The following STK40 variants were observed in gnomAD, a reference collection of about 807,000 sequenced individuals.
The protein encoded by STK40 is serine/threonine-protein kinase 40.
STK40 carries 13 observed loss-of-function variants against 47.9 expected under a neutral mutation model. That is an observed-to-expected ratio of 0.27 (90% CI 0.18 to 0.43). The LOEUF is 0.43. Among genes scored for constraint, STK40 ranks in the 20% least tolerant of loss-of-function variants. The pLI is 1.00. For synonymous variants in STK40, 225 were observed against 243.2 expected (o/e 0.93, Z 0.69); for missense variants, 460 against 595.1 (o/e 0.77, Z 2.36).
intron 1 of STK40, among the ~76,000 whole-genome samples, chr1:36,373,988 G>A (rs1043412954): frequency 2.6e-5 from 4 of 152,204 alleles, no homozygotes; most frequent in African/African-American, 9.6e-5. Context: ...AGTGGGAGGG[G>A]CGGTCAGCAA....
At chr1:36,377,904 G>A (rs1405102059) in intron 1 of STK40, among the ~76,000 whole-genome samples, 5 of 152,212 alleles carry the variant, frequency 3.3e-5, no homozygotes, top group African/African-American at 9.6e-5. Flanking sequence ...CATGCACTAG[G>A]CTGAACGTGG....
chr1:36,343,242 GGAA>G (rs1018445507), intron 10 of STK40, 119 bp downstream of exon 10: 2 of 1,120,034 alleles, frequency 1.8e-6, no homozygotes, highest in South Asian at 1.3e-5. Context: ...CCAAGGCTGG[GGAA>G]GAAGACCAAG....
chr1:36,368,262 TA>T (rs143132763), intron 1 of STK40, among the ~76,000 whole-genome samples: 2,293 of 152,260 alleles, frequency 0.015, 64 homozygotes, highest in African/African-American at 0.052. Flanking sequence ...AATAAACATG[TA>T]CTACTCATGC....
At chr1:36,371,514 G>C (rs1646946891) in intron 1 of STK40, among the ~76,000 whole-genome samples, 1 of 151,138 alleles carries the variant, frequency 6.6e-6, no homozygotes, top group Non-Finnish European at 1.5e-5. Flanking sequence ...AGATCAGATT[G>C]CACCACTGCA....
At chr1:36,365,327 T>C (rs1646892522) in intron 1 of STK40, among the ~76,000 whole-genome samples, 1 of 152,178 alleles carries the variant, frequency 6.6e-6, no homozygotes, top group Non-Finnish European at 1.5e-5. Context: ...AGACTGACTA[T>C]ATGTGGTGCA....
At chr1:36,356,471 G>C (rs547002694) in intron 4 of STK40, among the ~76,000 whole-genome samples, 6 of 142,002 alleles carry the variant, frequency 4.2e-5, no homozygotes, top group Non-Finnish European at 6.1e-5. Flanking sequence ...TGTTGCCCAG[G>C]CTGGAGTGCA....
chr1:36,383,931 C>T (rs1486386312), intron 1 of STK40, among the ~76,000 whole-genome samples: 6 of 152,118 alleles, frequency 3.9e-5, no homozygotes, highest in African/African-American at 1.2e-4. Flanking sequence ...GGCACACTCC[C>T]GTCCCCACCC....
chr1:36,351,814 G>C (rs968354587), intron 6 of STK40, among the ~76,000 whole-genome samples: 1 of 152,212 alleles, frequency 6.6e-6, no homozygotes, highest in African/African-American at 2.4e-5. Flanking sequence ...GTGCTGGTGT[G>C]GTTAGCAGGC....
rs545005334 is a variant in STK40, at chr1:36,371,325, C to T, written c.-8-9985G>A. On this transcript the variant is annotated intron_variant, in intron 1 of 10. Transcript: ENST00000373132. ...ATCCCAGCACTTTGGGAGGCTGAGG[C>T]GGGTGGATCATGAGGTCAGGAGATC... Among the ~76,000 whole-genome samples the T allele has an allele frequency of 8.3e-4, 125 of 151,510 alleles. 1 individual carries two copies. The East Asian group carries it at 0.014, about 17-fold the overall frequency.
chr1:36,376,828 G>A (rs555287318), intron 1 of STK40, among the ~76,000 whole-genome samples: 5 of 149,774 alleles, frequency 3.3e-5, no homozygotes, highest in African/African-American at 1.2e-4. Context: ...TTGAGATGGA[G>A]TGCAGTGGTA....
At chr1:36,383,649 C>A (rs1215340757) in intron 1 of STK40, among the ~76,000 whole-genome samples, 1 of 152,218 alleles carries the variant, frequency 6.6e-6, no homozygotes, top group African/African-American at 2.4e-5. Context: ...CCAATCATGT[C>A]ATTCCTCTGC....
Position 36,341,925 on chromosome 1 carries a change from G to A in STK40, c.1138C>T (p.Arg380Cys), listed in dbSNP as rs1457843049. 6 of 1,614,050 alleles carry A rather than the reference G, an allele frequency of 3.7e-6. No homozygotes were observed. Among genetic ancestry groups the A allele is most frequent in the Non-Finnish European group, 5.1e-6 (6 of 1,179,966 alleles). The change falls in exon 11 of 11, where the codon CGT becomes TGT. Residue 380 changes from arginine to cysteine, a missense_variant. By Grantham distance (180) the Arg-to-Cys change is radical. Transcript: ENST00000373132. ...CSQYEFENYM[R>C]QQLLLAEEKS... is the part of the protein sequence containing the mutation. ...TCCTCGGCCAGCAGCAGCTGCTGACGCATGTAGTTCTCAAACTCGTACTGG... is the reference window on the plus strand; with the variant it reads ...TCCTCGGCCAGCAGCAGCTGCTGACACATGTAGTTCTCAAACTCGTACTGG...
chr1:36,364,375 A>C (rs1281127441), intron 1 of STK40, among the ~76,000 whole-genome samples: 18 of 152,270 alleles, frequency 1.2e-4, no homozygotes, highest in Non-Finnish European at 2.9e-5. Context: ...GAGTTCCAGA[A>C]CTTACACCAG....
At chr1:36,370,838 G>A (rs1361591844) in intron 1 of STK40, among the ~76,000 whole-genome samples, 1 of 151,510 alleles carries the variant, frequency 6.6e-6, no homozygotes, top group Non-Finnish European at 1.5e-5. Flanking sequence ...ATAAGATAAT[G>A]TAGTATTTGC....
At chr1:36,362,716 T>A (rs1235738508) in intron 1 of STK40, 2 of 152,258 alleles carry the variant, frequency 1.3e-5, no homozygotes, top group East Asian at 3.8e-4. Context: ...ACCCATGACC[T>A]TACCTCCCAG....
In STK40 at chr1:36,340,468, G is replaced by A. The variant is rs963171144; in HGVS notation, c.*1287C>T. The A allele has an allele frequency of 3.3e-5, 5 of 152,876 alleles. No homozygotes were observed. The highest frequency in any genetic ancestry group is 1.2e-4 in the African/African-American group (5 of 41,586). 9.5% of individuals were successfully genotyped at this position (152,876 alleles called of 1,614,324 possible). On this transcript the variant is annotated 3_prime_UTR_variant, in exon 11 of 11. Transcript: ENST00000373132. Reference sequence around the variant, plus strand: ...GCCTCAGGGCCCATGACTGCCTGGAGGGGACACTCAGCCTCTCTGAGGACA... The same window carrying A: ...GCCTCAGGGCCCATGACTGCCTGGAAGGGACACTCAGCCTCTCTGAGGACA...
At chr1:36,368,431 T>G (rs960656800) in intron 1 of STK40, among the ~76,000 whole-genome samples, 1 of 152,206 alleles carries the variant, frequency 6.6e-6, no homozygotes, top group African/African-American at 2.4e-5. Context: ...TTAAAATGTT[T>G]TGTAGAGAGG....
At position 36,358,775 on chromosome 1, in the gene STK40, C is replaced by T. The variant is rs748271039; in HGVS notation, c.160G>A (p.Ala54Thr). 3.3e-5 allele frequency: 53 copies of T among 1,614,050 alleles called. No individual in the cohort carries two copies. The highest frequency in any genetic ancestry group is 4.4e-5 in the Non-Finnish European group (52 of 1,180,046). Residue 54 changes from alanine to threonine, a missense_variant, in exon 3 of 11, where the codon GCG becomes ACG. Physicochemically the swap from Ala to Thr is moderately conservative, Grantham distance 58. This residue lies in a region of STK40 where 277 missense variants were observed against 358.7 expected (regional missense o/e 0.77). Coordinates refer to ENST00000373132, the MANE Select transcript of STK40 (RefSeq NM_001282547.2). ...SPVPSIVQCL[A>T]RKDGTDDFYQ... ...AAGTCATCCGTGCCATCTTTCCTCG[C>T]CAAACACTGCACTATGCTTGGCACC...
chr1:36,346,169 T>C (rs1646701179), intron 7 of STK40, among the ~76,000 whole-genome samples: 1 of 151,018 alleles, frequency 6.6e-6, no homozygotes, highest in Non-Finnish European at 1.5e-5. Flanking sequence ...TAATTTTTTT[T>C]ATTTTTAGTA....
Sources: allele counts gnomAD v4.1 joint callset (sites outside exome capture counted in the v4.1 genomes callset), GRCh38; gene constraint gnomAD v4.1.1; regional missense constraint gnomAD v4.1.1; transcripts MANE v1.5; gene names NCBI Gene and HGNC (gene_info 2026-07-23, HGNC 2026-07-21).